Variants in MYDGF observed in about 807,000 individuals in gnomAD.
The protein encoded by MYDGF is myeloid-derived growth factor.
Under a neutral mutation model 24.2 loss-of-function variants are expected in MYDGF, and 29 were observed. The observed-to-expected ratio is 1.20, with a 90% CI of 0.89 to 1.63. The LOEUF (loss-of-function observed/expected upper bound fraction) is 1.63, where lower values mean the gene tolerates loss of function less well. Among genes scored for constraint, MYDGF ranks in the 40% most tolerant of loss-of-function variants. The pLI is 0.00. For missense variants in MYDGF, 245 were observed against 234.8 expected (o/e 1.04, Z -0.29); for synonymous variants, 105 against 102.5 (o/e 1.02, Z -0.15).
intron 3 of MYDGF, among the ~76,000 whole-genome samples, 168 bp downstream of exon 3, chr19:4,664,708 C>G (rs887375041): frequency 6.6e-6 from 1 of 152,108 alleles, no homozygotes; most frequent in Non-Finnish European, 1.5e-5. Context: ...GGGAGCACTC[C>G]CACCCCAGCG....
At chr19:4,666,852 G>C (rs995322526) in intron 2 of MYDGF, among the ~76,000 whole-genome samples, 6 of 152,110 alleles carry the variant, frequency 3.9e-5, no homozygotes, top group African/African-American at 1.4e-4. Flanking sequence ...GATCATTTGA[G>C]GTCAGCAGTT....
At chr19:4,668,157 C>A (rs532556344) in intron 2 of MYDGF, among the ~76,000 whole-genome samples, 14 of 152,112 alleles carry the variant, frequency 9.2e-5, no homozygotes. Context: ...CGAACTTTGA[C>A]CTCAGGTGAT....
chr19:4,658,943 C>A (rs1488066570), intron 5 of MYDGF, among the ~76,000 whole-genome samples: 2 of 151,948 alleles, frequency 1.3e-5, no homozygotes, highest in African/African-American at 2.4e-5. Context: ...GCTGGGATTA[C>A]AAGCATGTGC....
Position 4,670,208 on chromosome 19 carries a change from G to A in MYDGF, c.127C>T (p.Arg43Trp), listed in dbSNP as rs1332158983. ...AAGGAATGCACGACGCCGCCGGGCC[G>A]CACGTCAAACGCCACCGTCGTGGGC... ...SEPTTVAFDV[R>W]PGGVVHSFSH... The change falls in exon 1 of 6, where the codon CGG becomes TGG. Residue 43 changes from arginine to tryptophan, a missense_variant. Arg to Trp is a moderately radical substitution (Grantham distance 101). Transcript: ENST00000262947. 3 of 1,560,504 alleles carry A rather than the reference G, an allele frequency of 1.9e-6. No individual in the cohort carries two copies.
intron 3 of MYDGF, among the ~76,000 whole-genome samples, chr19:4,663,749 A>G (rs2088498130): frequency 1.9e-5 from 1 of 52,666 alleles, no homozygotes; most frequent in Non-Finnish European, 3.5e-5. Context: ...TCCTCATTCT[A>G]CAAAGCCTCC....
At chr19:4,668,487 A>C in intron 2 of MYDGF, 108 bp downstream of exon 2, 1 of 854,334 alleles carries the variant, frequency 1.2e-6, no homozygotes, top group South Asian at 1.5e-5. Flanking sequence ...TCATTCAATG[A>C]GTGTAAGGTG....
At chr19:4,658,829 G>C (rs1446104133) in intron 5 of MYDGF, among the ~76,000 whole-genome samples, 1 of 151,648 alleles carries the variant, frequency 6.6e-6, no homozygotes, top group Non-Finnish European at 1.5e-5. Flanking sequence ...TGAGATGAGA[G>C]TCTTCCTCTG....
Position 4,657,831 on chromosome 19 carries a change from C to A in MYDGF, c.*174G>T. 1.8e-6 allele frequency: 1 copy of A among 567,216 alleles called. No homozygotes were observed. Among genetic ancestry groups the A allele is most frequent in the Non-Finnish European group, 3.1e-6 (1 of 323,324 alleles). The allele number at this position is 567,216 out of a possible 1,614,324, so 35.1% of individuals were successfully genotyped here. A position where few individuals can be genotyped will look rare whatever the true frequency, so the allele number is the denominator to read the frequency against. ...AGGAGGGCCCTGGACCCTCTGTTCT[C>A]TGCCCCAGGGCTTCAGCCACCCTGC... is the stretch of plus-strand genomic sequence containing the variant. On this transcript the variant is annotated 3_prime_UTR_variant, in exon 6 of 6. Transcript: ENST00000262947.
At chr19:4,665,820 C>CAAAAAAAAAAA (rs533879529) in intron 2 of MYDGF, among the ~76,000 whole-genome samples, 2 of 45,490 alleles carry the variant, frequency 4.4e-5, no homozygotes, top group Non-Finnish European at 6.2e-5. Flanking sequence ...GACTCTGTCT[C>CAAAAAAAAAAA]AAAAAAAAAA....
chr19:4,660,624 G>A (rs776713329), intron 4 of MYDGF, 45 bp downstream of exon 4: 2 of 1,551,926 alleles, frequency 1.3e-6, no homozygotes, highest in Non-Finnish European at 1.8e-6. Flanking sequence ...CTGCCCCAGT[G>A]CACAGAAGCC....
In MYDGF at chr19:4,658,076, T is replaced by C. The variant is rs1196523763; in HGVS notation, c.451A>G (p.Arg151Gly). 5 of 1,609,828 alleles carry C rather than the reference T, an allele frequency of 3.1e-6. No homozygotes were observed. The highest frequency in any genetic ancestry group is 4.2e-6 in the Non-Finnish European group (5 of 1,178,418). The change falls in exon 6 of 6, where the codon AGG (arginine) becomes GGG (glycine). Residue 151 changes from arginine to glycine, a missense_variant. Coordinates refer to ENST00000262947, the MANE Select transcript of MYDGF (RefSeq NM_019107.4). ...AGCTCAGCTTTGAATGCCCCGGGCC[T>C]GTGAGCCACTGCAAGAAAGAAACAC... The part of the protein sequence containing the change: ...FEVTKTAVAH[R>G]PGAFKAELSK...
intron 2 of MYDGF, 123 bp from the exon 3 acceptor site, chr19:4,665,060 A>G: frequency 9.4e-7 from 1 of 1,066,374 alleles, no homozygotes; most frequent in Non-Finnish European, 1.3e-6. Flanking sequence ...GGGGCTGGCC[A>G]CTAAATCCCC....
intron 3 of MYDGF, 144 bp from the exon 4 acceptor site, chr19:4,660,894 C>T (rs73920108): frequency 0.063 from 34,268 of 543,232 alleles, 3,129 homozygotes; most frequent in African/African-American, 0.31. Context: ...TTCCCGAGCA[C>T]GAGCACCTGC....
chr19:4,660,847 C>T, intron 3 of MYDGF, 97 bp from the exon 4 acceptor site: 1 of 957,964 alleles, frequency 1.0e-6, no homozygotes, highest in South Asian at 1.6e-5. Context: ...GGGCTGGGGT[C>T]AGCAGGTCTC....
rs755407152 is a variant in MYDGF, at chr19:4,664,844, G to A, written c.287+32C>T. On this transcript the variant is annotated intron_variant, in intron 3 of 5. Coordinates refer to ENST00000262947, the MANE Select transcript of MYDGF (RefSeq NM_019107.4). ...GAGGCCACAGGGCAGGCCAACGGCA[G>A]CCGGAAATGCCATCCCCACCCCGAG... 7.5e-6 allele frequency: 12 copies of A among 1,609,168 alleles called. No homozygotes were observed. The South Asian group carries it at 9.9e-5, about 13-fold the overall frequency.
At chr19:4,666,161 T>C in intron 2 of MYDGF, among the ~76,000 whole-genome samples, 1 of 152,120 alleles carries the variant, frequency 6.6e-6, no homozygotes, top group East Asian at 1.9e-4. Context: ...CTAAAATGAC[T>C]GGCCTCTTGC....
At chr19:4,661,166 C>T (rs1037825845) in intron 3 of MYDGF, among the ~76,000 whole-genome samples, 4 of 151,930 alleles carry the variant, frequency 2.6e-5, no homozygotes, top group Non-Finnish European at 5.9e-5. Flanking sequence ...ATGGTTTCAC[C>T]ATGTTGGCCA....
At chr19:4,659,205 A>G (rs1255450370) in intron 5 of MYDGF, among the ~76,000 whole-genome samples, 1 of 151,950 alleles carries the variant, frequency 6.6e-6, no homozygotes, top group African/African-American at 2.4e-5. Context: ...CCTCCTAAGT[A>G]GCTGAGACTA....
intron 2 of MYDGF, among the ~76,000 whole-genome samples, chr19:4,667,569 G>T (rs1036257762): frequency 9.2e-5 from 14 of 152,124 alleles, no homozygotes; most frequent in Admixed American, 7.2e-4. Flanking sequence ...ACTGTGCCTG[G>T]CCCAAATCAT....
Sources: allele counts gnomAD v4.1 joint callset (sites outside exome capture counted in the v4.1 genomes callset), GRCh38; gene constraint gnomAD v4.1.1; transcripts MANE v1.5; gene names NCBI Gene and HGNC (gene_info 2026-07-23, HGNC 2026-07-21).